The following VPS35L variants were observed in gnomAD, a reference collection of about 807,000 sequenced individuals.
VPS35L encodes the protein VPS35 endosomal protein-sorting factor-like.
Under a neutral mutation model 133.0 loss-of-function variants are expected in VPS35L, and 83 were observed. The ratio of observed to expected loss-of-function variants is 0.62; its 90% CI spans 0.52 to 0.75. The LOEUF is 0.75. Among genes scored for constraint, VPS35L ranks in the 30% least tolerant of loss-of-function variants. The pLI, the probability that VPS35L is intolerant of heterozygous loss-of-function variation, is 0.00. For synonymous variants in VPS35L, 423 were observed against 449.9 expected, an observed-to-expected ratio of 0.94 and a Z score of 0.76; for missense variants, 1,083 against 1,206.8, an observed-to-expected ratio of 0.90 and a Z score of 1.52.
chr16:19,555,936 C>G (rs1178948122), intron 1 of VPS35L, among the ~76,000 whole-genome samples, 190 bp downstream of exon 1: 1 of 152,152 alleles, frequency 6.6e-6, no homozygotes, highest in Non-Finnish European at 1.5e-5. Context: ...GCCAGACTGG[C>G]GGGTTCTTGG....
At chr16:19,563,580 T>G (rs1444469024) in intron 1 of VPS35L, among the ~76,000 whole-genome samples, 1 of 152,232 alleles carries the variant, frequency 6.6e-6, no homozygotes, top group Non-Finnish European at 1.5e-5. Flanking sequence ...ACGTTGCTTG[T>G]GTCTTTGAAA....
chr16:19,622,992 TG>T (rs1973132651), intron 14 of VPS35L, among the ~76,000 whole-genome samples: 1 of 151,950 alleles, frequency 6.6e-6, no homozygotes, highest in African/African-American at 2.4e-5. Flanking sequence ...AGTAGCAAGG[TG>T]GGGGCAACCA....
At chr16:19,664,403 A>G (rs915526805) in intron 26 of VPS35L, among the ~76,000 whole-genome samples, 1 of 152,022 alleles carries the variant, frequency 6.6e-6, no homozygotes, top group African/African-American at 2.4e-5. Context: ...CTGTGTGGAA[A>G]GAACCATAGA....
chr16:19,658,522 G>A (rs975064059), intron 26 of VPS35L, among the ~76,000 whole-genome samples: 19 of 152,084 alleles, frequency 1.2e-4, no homozygotes, highest in Non-Finnish European at 2.1e-4. Context: ...GGGTGAGACC[G>A]TGTCTCAAAA....
intron 1 of VPS35L, among the ~76,000 whole-genome samples, chr16:19,559,459 A>T (rs968834118): frequency 1.4e-4 from 22 of 152,192 alleles, no homozygotes; most frequent in African/African-American, 5.3e-4. Flanking sequence ...ATTATGGGGA[A>T]TTTTTACCAG....
chr16:19,674,082 G>A (rs1974967699), intron 27 of VPS35L, among the ~76,000 whole-genome samples: 1 of 151,818 alleles, frequency 6.6e-6, no homozygotes, highest in Non-Finnish European at 1.5e-5. Flanking sequence ...AAACTCTCAG[G>A]TGATGGGATG....
chr16:19,581,777 C>T (rs1213396770), intron 7 of VPS35L, 124 bp downstream of exon 7: 2 of 1,116,336 alleles, frequency 1.8e-6, no homozygotes, highest in African/African-American at 1.7e-5. Flanking sequence ...CTTTCTTTTT[C>T]ATATACTTCC....
intron 26 of VPS35L, 154 bp downstream of exon 26, chr16:19,652,244 A>G (rs1193503462): frequency 6.4e-6 from 4 of 620,822 alleles, no homozygotes; most frequent in Non-Finnish European, 5.7e-6. Context: ...TAGTGCAATC[A>G]TAGTTTCCTG....
At chr16:19,603,687 G>A (rs1367530653) in intron 9 of VPS35L, among the ~76,000 whole-genome samples, 1 of 152,136 alleles carries the variant, frequency 6.6e-6, no homozygotes, top group African/African-American at 2.4e-5. Flanking sequence ...GGAAAGGAAA[G>A]GCCTTCTCCG....
chr16:19,623,769 A>C (rs143032106), intron 14 of VPS35L, among the ~76,000 whole-genome samples: 1 of 29,326 alleles, frequency 3.4e-5, no homozygotes, highest in East Asian at 1.5e-3. Context: ...TTATTTATTT[A>C]TTATTATTAT....
At chr16:19,605,235 A>G (rs780634155) in intron 9 of VPS35L, among the ~76,000 whole-genome samples, 4 of 152,242 alleles carry the variant, frequency 2.6e-5, no homozygotes, top group Non-Finnish European at 5.9e-5. Context: ...AAATACCCAC[A>G]GAAGTTCAGG....
intron 27 of VPS35L, among the ~76,000 whole-genome samples, chr16:19,681,183 A>T (rs1234191056): frequency 6.6e-6 from 1 of 152,042 alleles, no homozygotes. Context: ...GCCTCTGGGG[A>T]CTGCCTCACC....
In VPS35L at chr16:19,629,762, T is replaced by A; in HGVS notation, c.1501-5T>A. 6.2e-7 allele frequency: 1 copy of A among 1,613,274 alleles called. No homozygotes were observed. On this transcript the variant is annotated splice_region_variant and splice_polypyrimidine_tract_variant and intron_variant, in intron 17 of 30. Coordinates refer to ENST00000417362, the MANE Select transcript of VPS35L (RefSeq NM_020314.7). Reference sequence around the variant, plus strand: ...ATGTTAAGATGTTTTCCTTTCTCTTTGTAGGACTACATTAATTGTGCCGAA... The same window carrying A: ...ATGTTAAGATGTTTTCCTTTCTCTTAGTAGGACTACATTAATTGTGCCGAA...
chr16:19,620,796 C>T (rs1973053187), intron 14 of VPS35L, among the ~76,000 whole-genome samples: 1 of 151,752 alleles, frequency 6.6e-6, no homozygotes, highest in South Asian at 2.1e-4. Flanking sequence ...ACTAAAAATA[C>T]AAAAATTAGC....
chr16:19,624,107 CTTTTTTTTTT>C (rs1182015325), intron 14 of VPS35L, among the ~76,000 whole-genome samples: 23 of 65,844 alleles, frequency 3.5e-4, no homozygotes, highest in Non-Finnish European at 5.3e-4. Flanking sequence ...CCTACCAGGT[CTTTTTTTTTT>C]TTTTTTTTTT....
rs532688898 is a variant in VPS35L, at chr16:19,628,230, G to A, written c.1384-407G>A. On this transcript the variant is annotated intron_variant, in intron 16 of 30. Transcript: ENST00000417362. ...AAATCAAAACTTAGCTGGGTGTGGTGGTGCATTCCTGTAGTCCCAGCTACT... is the reference window on the plus strand; with the variant it reads ...AAATCAAAACTTAGCTGGGTGTGGTAGTGCATTCCTGTAGTCCCAGCTACT... Among the ~76,000 whole-genome samples the A allele has an allele frequency of 5.9e-5, 9 of 152,204 alleles. 1 individual carries two copies. The highest frequency in any genetic ancestry group is 3.3e-4 in the Admixed American group (5 of 15,276).
intron 8 of VPS35L, among the ~76,000 whole-genome samples, chr16:19,593,642 G>T (rs1972111274): frequency 6.6e-6 from 1 of 151,068 alleles, no homozygotes; most frequent in Non-Finnish European, 1.5e-5. Context: ...GGCCGGGCAT[G>T]GTGGCTCATC....
intron 14 of VPS35L, among the ~76,000 whole-genome samples, chr16:19,624,262 C>T (rs1010922695): frequency 1.3e-5 from 2 of 151,286 alleles, no homozygotes; most frequent in Non-Finnish European, 2.9e-5. Flanking sequence ...ACCACAGGCA[C>T]GTACCACCAC....
intron 2 of VPS35L, among the ~76,000 whole-genome samples, chr16:19,567,573 G>A (rs1298016518): frequency 6.6e-6 from 1 of 152,070 alleles, no homozygotes; most frequent in East Asian, 1.9e-4. Context: ...ACCCCAATGG[G>A]AGGTGCTTCT....
Sources: allele counts gnomAD v4.1 joint callset (sites outside exome capture counted in the v4.1 genomes callset), GRCh38; gene constraint gnomAD v4.1.1; transcripts MANE v1.5; gene names NCBI Gene and HGNC (gene_info 2026-07-23, HGNC 2026-07-21).